Variants in ZNF710 observed in about 807,000 individuals in gnomAD.
ZNF710 encodes the protein zinc finger protein 710.
In ZNF710, 13 loss-of-function variants were observed where a neutral mutation model predicts 50.6. That is an observed-to-expected ratio of 0.26 (90% CI 0.17 to 0.41). The LOEUF is 0.41. Among genes scored for constraint, ZNF710 ranks in the 10% least tolerant of loss-of-function variants. ZNF710 has a pLI of 1.00. For missense variants in ZNF710, 721 were observed against 936.6 expected, an observed-to-expected ratio of 0.77 and a Z score of 3.01; for synonymous variants, 383 against 397.0, an observed-to-expected ratio of 0.96 and a Z score of 0.42.
chr15:90,037,164 G>A (rs938644109), intron 1 of ZNF710, among the ~76,000 whole-genome samples: 1 of 152,164 alleles, frequency 6.6e-6, no homozygotes, highest in Non-Finnish European at 1.5e-5. Flanking sequence ...GGAGTTATTC[G>A]AAGGGCTTTT....
At chr15:90,019,187 C>CTTTTTTTTTT (rs11285838) in intron 1 of ZNF710, among the ~76,000 whole-genome samples, 2,817 of 89,492 alleles carry the variant, frequency 0.031, 6 homozygotes, top group Middle Eastern at 0.08. Context: ...CTTTTTCTTT[C>CTTTTTTTTTT]TTTTTTTTTT....
At chr15:90,009,747 C>T (rs965397866) in intron 1 of ZNF710, among the ~76,000 whole-genome samples, 1 of 152,024 alleles carries the variant, frequency 6.6e-6, no homozygotes, top group East Asian at 1.9e-4. Context: ...TAGGATTTCA[C>T]AAAGAAGAGT....
At chr15:90,058,021 G>C (rs1035341129) in intron 1 of ZNF710, among the ~76,000 whole-genome samples, 1 of 152,164 alleles carries the variant, frequency 6.6e-6, no homozygotes, top group African/African-American at 2.4e-5. Context: ...GGGCCACCCT[G>C]TGGCAGTCAG....
intron 1 of ZNF710, among the ~76,000 whole-genome samples, chr15:90,029,567 G>C (rs983112343): frequency 2.0e-5 from 3 of 152,146 alleles, no homozygotes; most frequent in Admixed American, 6.5e-5. Context: ...AGGAGATTGA[G>C]ACCAGCCTGG....
intron 1 of ZNF710, among the ~76,000 whole-genome samples, chr15:90,044,497 T>TAAACCCTCACC (rs142966977): frequency 1.3e-5 from 2 of 152,144 alleles, no homozygotes; most frequent in Non-Finnish European, 2.9e-5. Flanking sequence ...CCTCACCAAA[T>TAAACCCTCACC]AAGGGGCCCG....
chr15:90,021,598 G>A (rs979984392), intron 1 of ZNF710, among the ~76,000 whole-genome samples: 1 of 152,132 alleles, frequency 6.6e-6, no homozygotes, highest in African/African-American at 2.4e-5. Context: ...TACCTACCAT[G>A]TGTTAAACTC....
rs568675276 is a variant in ZNF710, at chr15:90,071,824, G to A, written c.1459-1247G>A. 4.0e-5 allele frequency among the ~76,000 whole-genome samples: 6 copies of A among 151,764 alleles called. No individual in the cohort carries two copies. In the South Asian group the frequency reaches 1.0e-3, roughly 26 times the overall value. On this transcript the variant is annotated intron_variant, in intron 2 of 4. Coordinates refer to ENST00000268154, the MANE Select transcript of ZNF710 (RefSeq NM_198526.4). ...CTCCTGAGTAGCTGGGATTACAGGCGCATACCACGCTCAGCTAATTATTGT... is the reference window on the plus strand; with the variant it reads ...CTCCTGAGTAGCTGGGATTACAGGCACATACCACGCTCAGCTAATTATTGT...
rs1012065634 is a variant in ZNF710, at chr15:90,040,719, C to T, written c.-28-26391C>T. On this transcript the variant is annotated intron_variant, in intron 1 of 4. Coordinates refer to ENST00000268154, the MANE Select transcript of ZNF710 (RefSeq NM_198526.4). The surrounding 1 kb of genome is among the most constrained non-coding windows in gnomAD (Gnocchi z 4.6). ...CCCGCCCCACCTCGCTCCCCAACTC[C>T]AGCCCTCCAGCCAGTTAACCATTTG... 6.6e-6 allele frequency among the ~76,000 whole-genome samples: 1 copy of T among 151,978 alleles called. No homozygotes were observed. The highest frequency in any genetic ancestry group is 1.5e-5 in the Non-Finnish European group (1 of 67,986).
In ZNF710 at chr15:90,026,269, CAA is replaced by C. The variant is rs777122257; in HGVS notation, c.-29+24666_-29+24667del. Among the ~76,000 whole-genome samples the C allele has an allele frequency of 8.4e-5, 10 of 119,180 alleles. 1 individual carries two copies. The highest frequency in any genetic ancestry group is 2.0e-4 in the African/African-American group (6 of 30,684). 78.2% of individuals were successfully genotyped at this position (119,180 alleles called of 152,430 possible). On this transcript the variant is annotated intron_variant, in intron 1 of 4. Coordinates refer to ENST00000268154, the MANE Select transcript of ZNF710 (RefSeq NM_198526.4). The stretch of plus-strand genomic sequence containing the variant: ...AAAAACAAAACAACAACAACAACAA[CAA>C]AAAAAAAAAAGGGAATGAGAAAGGG...
At chr15:90,053,823 C>G (rs1393175372) in intron 1 of ZNF710, among the ~76,000 whole-genome samples, 2 of 152,092 alleles carry the variant, frequency 1.3e-5, no homozygotes, top group Non-Finnish European at 2.9e-5. Flanking sequence ...CACACACTTC[C>G]CACCCGTGTG....
rs774238015 is a variant in ZNF710 at position 90,081,982 on chromosome 15, CTG to C, written c.*2155_*2156del. ...GGGGTGGTCTTGGCAAGGCTCCTGT[CTG>C]TACCCCTCCCTAACCTTCTCAAAAG... On this transcript the variant is annotated 3_prime_UTR_variant, in exon 5 of 5. Transcript: ENST00000268154. 1 of 152,298 alleles carries C rather than the reference CTG, an allele frequency of 6.6e-6. No homozygotes were observed. The highest frequency in any genetic ancestry group is 1.5e-5 in the Non-Finnish European group (1 of 68,102). 9.4% of individuals were successfully genotyped at this position (152,298 alleles called of 1,614,324 possible).
intron 1 of ZNF710, among the ~76,000 whole-genome samples, chr15:90,021,527 C>T (rs529643703): frequency 6.6e-6 from 1 of 152,338 alleles, no homozygotes; most frequent in East Asian, 1.9e-4. Context: ...CCTCTGTTCT[C>T]TGAAAAATCG....
At chr15:90,030,329 CAAAAAAAAA>C (rs10685083) in intron 1 of ZNF710, among the ~76,000 whole-genome samples, 14 of 50,510 alleles carry the variant, frequency 2.8e-4, no homozygotes, top group South Asian at 2.5e-3. Context: ...AACTCCATCT[CAAAAAAAAA>C]AAAAAAAAAA....
At chr15:90,004,166 A>G (rs1481898539) in intron 1 of ZNF710, among the ~76,000 whole-genome samples, 1 of 152,190 alleles carries the variant, frequency 6.6e-6, no homozygotes, top group East Asian at 1.9e-4. Context: ...CACTGTCTAG[A>G]GACAAGGAGA....
intron 1 of ZNF710, among the ~76,000 whole-genome samples, chr15:90,024,421 C>T (rs966726277): frequency 2.6e-5 from 4 of 152,146 alleles, no homozygotes; most frequent in African/African-American, 9.7e-5. Context: ...CAGCTGATGG[C>T]CCCCCACCTG....
chr15:90,017,490 T>C (rs1898487535), intron 1 of ZNF710, among the ~76,000 whole-genome samples: 1 of 152,024 alleles, frequency 6.6e-6, no homozygotes, highest in African/African-American at 2.4e-5. Context: ...ATTTTCTAAC[T>C]TGGAGTCATC....
intron 1 of ZNF710, among the ~76,000 whole-genome samples, chr15:90,009,383 G>C (rs1045435125): frequency 6.6e-6 from 1 of 152,080 alleles, no homozygotes; most frequent in Admixed American, 6.5e-5. Context: ...ACAAGCCATC[G>C]CTTCCCATCG....
At chr15:90,011,054 C>T (rs1163045429) in intron 1 of ZNF710, among the ~76,000 whole-genome samples, 1 of 151,842 alleles carries the variant, frequency 6.6e-6, no homozygotes, top group Non-Finnish European at 1.5e-5. Flanking sequence ...CCTCAGCCTC[C>T]CAAATAGCTG....
chr15:90,014,845 T>C (rs1399867015), intron 1 of ZNF710, among the ~76,000 whole-genome samples: 1 of 151,722 alleles, frequency 6.6e-6, no homozygotes, highest in Non-Finnish European at 1.5e-5. Context: ...TTCCTTAATA[T>C]CTAAAGAGTT....
Sources: gnomAD v4.1 joint callset for allele counts (sites outside exome capture counted in the v4.1 genomes callset) on GRCh38, gnomAD v4.1.1 for gene constraint, Gnocchi (gnomAD v3.1) non-coding constraint, MANE v1.5 for transcripts, NCBI Gene and HGNC (gene_info 2026-07-23, HGNC 2026-07-21) for gene names.